NCAM2: variants seen among roughly 807,000 people sequenced by gnomAD.
NCAM2 encodes N-CAM-2.
Under a neutral mutation model 98.1 loss-of-function variants are expected in NCAM2, and 30 were observed. The ratio of observed to expected loss-of-function variants is 0.31; its 90% confidence interval spans 0.23 to 0.41. The LOEUF is 0.41. Ranked by LOEUF, NCAM2 falls within the 10% of genes least tolerant of loss-of-function variation. NCAM2 has a pLI of 1.00. For missense variants in NCAM2, 867 were observed against 1,005.8 expected, an observed-to-expected ratio of 0.86 and a Z score of 1.87; for synonymous variants, 368 against 342.4, an observed-to-expected ratio of 1.07 and a Z score of -0.83.
At chr21:21,107,297 C>A (rs181719519) in intron 1 of NCAM2, among the ~76,000 whole-genome samples, 110 of 152,106 alleles carry the variant, frequency 7.2e-4, no homozygotes, top group African/African-American at 2.5e-3. Context: ...ACCTGTCCAG[C>A]ACTATAGATC....
At chr21:21,449,372 A>T (rs948447849) in intron 12 of NCAM2, among the ~76,000 whole-genome samples, 2 of 142,584 alleles carry the variant, frequency 1.4e-5, no homozygotes, top group Non-Finnish European at 3.1e-5. Context: ...CCAGAAACTT[A>T]AAAAAAAAAA....
intron 1 of NCAM2, among the ~76,000 whole-genome samples, chr21:21,279,642 C>T (rs950541924): frequency 2.0e-5 from 3 of 152,092 alleles, no homozygotes; most frequent in African/African-American, 4.8e-5. Flanking sequence ...CAGGCGTGGT[C>T]GTTATCTGGT....
intron 1 of NCAM2, among the ~76,000 whole-genome samples, chr21:21,071,881 A>G (rs1045655023): frequency 1.5e-5 from 2 of 134,784 alleles, no homozygotes; most frequent in East Asian, 2.0e-4. Flanking sequence ...CTATCTATCT[A>G]TCTATCTATC....
At chr21:21,048,632 C>T (rs1353258372) in intron 1 of NCAM2, among the ~76,000 whole-genome samples, 1 of 152,012 alleles carries the variant, frequency 6.6e-6, no homozygotes, top group East Asian at 1.9e-4. Context: ...GGATTACAGG[C>T]GTGAGCTACC....
chr21:21,513,568 G>T (rs1249629358), intron 16 of NCAM2, among the ~76,000 whole-genome samples: 2 of 151,886 alleles, frequency 1.3e-5, no homozygotes, highest in Admixed American at 6.6e-5. Context: ...TGCTTGATAT[G>T]ATTTCAATTT....
chr21:21,124,143 G>A (rs1424513456), intron 1 of NCAM2, among the ~76,000 whole-genome samples: 2 of 151,942 alleles, frequency 1.3e-5, no homozygotes, highest in African/African-American at 2.4e-5. Context: ...CACCGCGCCC[G>A]TCCTGATTGC....
intron 8 of NCAM2, among the ~76,000 whole-genome samples, chr21:21,372,279 C>A (rs28583606): frequency 0.058 from 8,724 of 151,534 alleles, 299 homozygotes; most frequent in East Asian, 0.12. Context: ...TATTGAAATA[C>A]CATTTAAATA....
At chr21:21,406,716 C>A (rs964184259) in intron 9 of NCAM2, among the ~76,000 whole-genome samples, 4 of 152,288 alleles carry the variant, frequency 2.6e-5, no homozygotes, top group African/African-American at 9.6e-5. Context: ...AAAGTCACTT[C>A]TTTTCATTAT....
intron 9 of NCAM2, among the ~76,000 whole-genome samples, chr21:21,406,796 T>A (rs1349132577): frequency 6.6e-6 from 1 of 152,204 alleles, no homozygotes; most frequent in Non-Finnish European, 1.5e-5. Context: ...TAAGATATGC[T>A]TCCATAACTT....
intron 1 of NCAM2, among the ~76,000 whole-genome samples, chr21:21,260,202 A>T (rs1568847049): frequency 1.3e-5 from 2 of 152,022 alleles, no homozygotes; most frequent in Non-Finnish European, 2.9e-5. Context: ...GGAATTATGT[A>T]AAACAACCAA....
At chr21:21,333,677 TTC>T (rs2074776511) in intron 6 of NCAM2, among the ~76,000 whole-genome samples, 1 of 152,148 alleles carries the variant, frequency 6.6e-6, no homozygotes, top group African/African-American at 2.4e-5. Context: ...CATACTGTAG[TTC>T]TCTGATTTTG....
At chr21:21,516,735 C>T (rs1009023828) in intron 16 of NCAM2, among the ~76,000 whole-genome samples, 1 of 152,104 alleles carries the variant, frequency 6.6e-6, no homozygotes, top group African/African-American at 2.4e-5. Flanking sequence ...TTCACTAAAG[C>T]TGCTCTTTTC....
intron 1 of NCAM2, among the ~76,000 whole-genome samples, chr21:21,048,212 C>T (rs1271568930): frequency 1.3e-5 from 2 of 152,188 alleles, no homozygotes; most frequent in Non-Finnish European, 2.9e-5. Context: ...TCTCCACAAT[C>T]CTTTATCTTA....
intron 10 of NCAM2, among the ~76,000 whole-genome samples, chr21:21,411,149 C>CACACATATATGT (rs1569033847): frequency 1.4e-5 from 1 of 71,372 alleles, no homozygotes; most frequent in Non-Finnish European, 2.9e-5. Flanking sequence ...TATATATATA[C>CACACATATATGT]ATATATATAT....
rs2074931993 is a variant in NCAM2 at position 21,338,245 on chromosome 21, G to T, written c.899-144G>T. On this transcript the variant is annotated intron_variant, in intron 7 of 17. Transcript: ENST00000400546. ...GCTATTCAACTGTCCTGGTACGTCT[G>T]TAAGGCAAAGCAGGCCACTGTAATT... 1.7e-5 allele frequency: 12 copies of T among 713,678 alleles called. No individual in the cohort carries two copies. In the South Asian group the frequency reaches 3.0e-4, roughly 18 times the overall value. The allele number at this position is 713,678 out of a possible 1,614,324, so 44.2% of individuals were successfully genotyped here. A position where few individuals can be genotyped will look rare whatever the true frequency, so the allele number is the denominator to read the frequency against.
At chr21:21,481,732 A>T (rs1359126124) in intron 15 of NCAM2, among the ~76,000 whole-genome samples, 1 of 152,202 alleles carries the variant, frequency 6.6e-6, no homozygotes, top group Non-Finnish European at 1.5e-5. Context: ...TCACCCCTCT[A>T]AACCATGTAG....
Position 21,120,821 on chromosome 21 carries a change from C to T in NCAM2, c.55+122203C>T, listed in dbSNP as rs561959126. Among the ~76,000 whole-genome samples the T allele has an allele frequency of 3.3e-5, 5 of 150,570 alleles. No individual in the cohort carries two copies. In the East Asian group the frequency reaches 5.9e-4, roughly 18 times the overall value. ...GCAACCTCTGCCTCCCGGGTTCAGT[C>T]GATTCTCCTGCCTCAGCCTCCCGAG... On this transcript the variant is annotated intron_variant, in intron 1 of 17. Coordinates refer to ENST00000400546, the MANE Select transcript of NCAM2 (RefSeq NM_004540.5).
chr21:21,355,770 C>T (rs2147965310), intron 8 of NCAM2, among the ~76,000 whole-genome samples: 1 of 151,812 alleles, frequency 6.6e-6, no homozygotes, highest in East Asian at 2.0e-4. Context: ...CGCGTGCCAC[C>T]ACGCCTGGTT....
At chr21:21,334,290 G>A (rs997696422) in intron 6 of NCAM2, among the ~76,000 whole-genome samples, 1 of 152,060 alleles carries the variant, frequency 6.6e-6, no homozygotes, top group African/African-American at 2.4e-5. Context: ...CTTAAGAAAT[G>A]TTGTGTACTT....
Sources: gnomAD v4.1 joint callset for allele counts (sites outside exome capture counted in the v4.1 genomes callset) on GRCh38, gnomAD v4.1.1 for gene constraint, MANE v1.5 for transcripts, NCBI Gene and HGNC (gene_info 2026-07-23, HGNC 2026-07-21) for gene names.